The following FAM81A variants were observed in gnomAD, a reference collection of about 807,000 sequenced individuals.
FAM81A encodes the protein protein FAM81A.
Under a neutral mutation model 46.7 loss-of-function variants are expected in FAM81A, and 19 were observed. The observed-to-expected ratio is 0.41, with a 90% CI of 0.28 to 0.60. FAM81A has a LOEUF of 0.60. FAM81A is among the 20% of genes least tolerant of loss of function. The probability of loss-of-function intolerance (pLI) is 0.34; values close to 1 mark genes in which losing one functional copy is unlikely to be tolerated. For missense variants in FAM81A, 377 were observed against 453.5 expected (o/e 0.83, Z 1.53); for synonymous variants, 183 against 152.9 (o/e 1.20, Z -1.45).
rs139066114 is a variant in FAM81A, at chr15:59,403,342, T to C, written c.-78+984T>C. Among the ~76,000 whole-genome samples the C allele has an allele frequency of 2.0e-3, 305 of 152,212 alleles. 1 individual carries two copies. Among genetic ancestry groups the C allele is most frequent in the African/African-American group, 7.0e-3 (291 of 41,506 alleles). On this transcript the variant is annotated intron_variant, in intron 2 of 4. Coordinates refer to the FAM81A transcript ENST00000558348. ...CCATAAGATTGGAGTCCTAATTAGA[T>C]AGAACTTGTGTTCTTAAAAGAAGAG...
chr15:59,419,425 T>C (rs1480447598), intron 2 of FAM81A, among the ~76,000 whole-genome samples: 1 of 152,222 alleles, frequency 6.6e-6, no homozygotes, highest in African/African-American at 2.4e-5. Context: ...AACACGTTCA[T>C]CAAGGACCAT....
intron 3 of FAM81A, among the ~76,000 whole-genome samples, chr15:59,482,170 T>G (rs1192143520): frequency 6.6e-6 from 1 of 152,164 alleles, no homozygotes; most frequent in Non-Finnish European, 1.5e-5. Context: ...TTTAAGCCCC[T>G]TTTTTTGTGA....
Position 59,478,759 on chromosome 15 carries a change from GA to G in FAM81A, c.295-13511del, listed in dbSNP as rs2081807146. ...GAATATTTATTCAGTTCTGTTGACA[GA>G]GGTTTTTCAATGTAAATGAATAAAT... On this transcript the variant is annotated intron_variant, in intron 3 of 8. Transcript: ENST00000288228. Among the ~76,000 whole-genome samples, 6 of 13,122 alleles carry G rather than the reference GA, an allele frequency of 4.6e-4. No homozygotes were observed. The Admixed American group carries it at 9.4e-3, about 21-fold the overall frequency. 8.6% of individuals were successfully genotyped at this position (13,122 alleles called of 152,430 possible).
Position 59,512,471 on chromosome 15 carries a change from C to CAA in FAM81A, c.651-1793_651-1792dup, listed in dbSNP as rs766904849. Among the ~76,000 whole-genome samples the CAA allele has an allele frequency of 1.8e-3, 25 of 13,654 alleles. 1 individual carries two copies. Among genetic ancestry groups the CAA allele is most frequent in the Admixed American group, 2.9e-3 (3 of 1,026 alleles). 9.0% of individuals were successfully genotyped at this position (13,654 alleles called of 152,430 possible). ...TGGGCGACAGAGCGAAACTCCATCT[C>CAA]AAAAAAAAAAAAAAAAAAAAAAAAA... On this transcript the variant is annotated intron_variant, in intron 6 of 8. Transcript: ENST00000288228.
intron 3 of FAM81A, among the ~76,000 whole-genome samples, chr15:59,463,417 C>G (rs1273162359): frequency 1.3e-5 from 2 of 152,112 alleles, no homozygotes; most frequent in Non-Finnish European, 2.9e-5. Flanking sequence ...CTCCAACTTG[C>G]AACTAATGTA....
Position 59,461,388 on chromosome 15 carries a change from C to T in FAM81A, c.294+1182C>T, listed in dbSNP as rs530479219. 7.9e-5 allele frequency among the ~76,000 whole-genome samples: 12 copies of T among 152,228 alleles called. No homozygotes were observed. The South Asian group carries it at 8.3e-4, about 11-fold the overall frequency. On this transcript the variant is annotated intron_variant, in intron 3 of 8. Transcript: ENST00000288228. ...GAAGCCTTGACCTCTCAGGCTCAAC[C>T]GATCCTCCTGCATCGGCGTCCCAAG...
chr15:59,417,796 A>C (rs1311419219), intron 2 of FAM81A, among the ~76,000 whole-genome samples: 5 of 152,122 alleles, frequency 3.3e-5, no homozygotes, highest in Non-Finnish European at 4.4e-5. Flanking sequence ...TATACTTTAA[A>C]GTTCTAGGGT....
rs144930564 is a variant in FAM81A, at chr15:59,424,495, C to T, written c.-78+22137C>T. On this transcript the variant is annotated intron_variant, in intron 2 of 4. Coordinates refer to the FAM81A transcript ENST00000558348. Reference sequence around the variant, plus strand: ...TCTGCTCAAATTCTCCCCAAAACTTCAGACTCACAGTTCCAGCTGCCATCT... The same window carrying T: ...TCTGCTCAAATTCTCCCCAAAACTTTAGACTCACAGTTCCAGCTGCCATCT... Among the ~76,000 whole-genome samples, 11 of 152,330 alleles carry T rather than the reference C, an allele frequency of 7.2e-5. No individual in the cohort carries two copies. In the East Asian group the frequency reaches 1.9e-3, roughly 27 times the overall value.
At chr15:59,503,685 G>GCCTCAGCCT (rs1199059175) in intron 4 of FAM81A, among the ~76,000 whole-genome samples, 2 of 152,134 alleles carry the variant, frequency 1.3e-5, no homozygotes, top group Non-Finnish European at 2.9e-5. Flanking sequence ...CGATTCTTGT[G>GCCTCAGCCT]CCTCAGCCTC....
chr15:59,514,761 C>G (rs2082249356), intron 7 of FAM81A, among the ~76,000 whole-genome samples: 1 of 152,154 alleles, frequency 6.6e-6, no homozygotes, highest in Non-Finnish European at 1.5e-5. Flanking sequence ...ATTTCTTGAT[C>G]TGGGTTTGCT....
At chr15:59,506,146 TTTTG>T (rs1255234482) in intron 4 of FAM81A, among the ~76,000 whole-genome samples, 1 of 149,834 alleles carries the variant, frequency 6.7e-6, no homozygotes, top group African/African-American at 2.4e-5. Flanking sequence ...CCACAGATTT[TTTTG>T]TTTGTTTGTT....
At chr15:59,453,902 C>T (rs906697529) in intron 1 of FAM81A, among the ~76,000 whole-genome samples, 2 of 152,166 alleles carry the variant, frequency 1.3e-5, no homozygotes, top group Non-Finnish European at 2.9e-5. Flanking sequence ...GCCTGAATTC[C>T]CAGTCTAGTC....
At position 59,522,565 on chromosome 15, in the gene FAM81A, T is replaced by G. The variant is rs1205677177; in HGVS notation, c.*1187T>G. On this transcript the variant is annotated 3_prime_UTR_variant, in exon 9 of 9. Coordinates refer to ENST00000288228, the MANE Select transcript of FAM81A (RefSeq NM_152450.3). The stretch of plus-strand genomic sequence containing the variant: ...TTTGTAGATGATGGGTGTTTTATTT[T>G]CAATCGCCATATTTGATCAGTCATT... The G allele has an allele frequency of 6.6e-6, 1 of 152,294 alleles. No individual in the cohort carries two copies. Among genetic ancestry groups the G allele is most frequent in the Non-Finnish European group, 1.5e-5 (1 of 68,040 alleles). The allele number at this position is 152,294 out of a possible 1,614,324, so 9.4% of individuals were successfully genotyped here.
chr15:59,493,196 C>T (rs781418354), intron 4 of FAM81A, among the ~76,000 whole-genome samples: 20 of 152,172 alleles, frequency 1.3e-4, no homozygotes, highest in Non-Finnish European at 2.9e-4. Flanking sequence ...AGAACAAGGA[C>T]CTCCTGCATG....
In FAM81A at chr15:59,507,616, C is replaced by T. The variant is rs372172804; in HGVS notation, c.543+274C>T. On this transcript the variant is annotated intron_variant, in intron 5 of 8. Coordinates refer to ENST00000288228, the MANE Select transcript of FAM81A (RefSeq NM_152450.3). ...GAACAACTAATACATTCCAGAAATTCTAAATGACACCTTGAAAGCTATCTC... is the reference window on the plus strand; with the variant it reads ...GAACAACTAATACATTCCAGAAATTTTAAATGACACCTTGAAAGCTATCTC... 1.8e-4 allele frequency among the ~76,000 whole-genome samples: 28 copies of T among 152,286 alleles called. No homozygotes were observed. The South Asian group carries it at 5.8e-3, about 32-fold the overall frequency.
intron 1 of FAM81A, among the ~76,000 whole-genome samples, chr15:59,449,808 AAAAT>A (rs2141610136): frequency 1.3e-5 from 2 of 150,206 alleles, no homozygotes; most frequent in African/African-American, 2.4e-5. Context: ...AAAAAAAAAA[AAAAT>A]GACATTGTAT....
At chr15:59,441,553 C>A (rs1392491388) in intron 1 of FAM81A, among the ~76,000 whole-genome samples, 1 of 152,226 alleles carries the variant, frequency 6.6e-6, no homozygotes, top group Non-Finnish European at 1.5e-5. Flanking sequence ...AGGTTCTCTT[C>A]TTTGTCCACT....
chr15:59,401,678 T>C (rs957528475), intron 1 of FAM81A: 1 of 798,604 alleles, frequency 1.3e-6, no homozygotes, highest in African/African-American at 1.7e-5. Flanking sequence ...TTTTCGTTTC[T>C]GTTTGATCAT....
At chr15:59,417,793 T>G (rs1415936448) in intron 2 of FAM81A, among the ~76,000 whole-genome samples, 1 of 152,138 alleles carries the variant, frequency 6.6e-6, no homozygotes, top group Non-Finnish European at 1.5e-5. Flanking sequence ...TATTATACTT[T>G]AAAGTTCTAG....
Sources: gnomAD v4.1 joint callset for allele counts (sites outside exome capture counted in the v4.1 genomes callset) on GRCh38, gnomAD v4.1.1 for gene constraint, MANE v1.5 for transcripts, NCBI Gene and HGNC (gene_info 2026-07-23, HGNC 2026-07-21) for gene names.